Variants in CSTPP1 observed in about 807,000 individuals in gnomAD.
The protein encoded by CSTPP1 is centriolar satellite-associated tubulin polyglutamylase complex regulator 1, also known as UPF0705 protein C11orf49.
chr11:46,948,023 T>C, the CSTPP1 span: 1 of 456,068 alleles, frequency 2.2e-6, no homozygotes, highest in Non-Finnish European at 4.4e-6. Context: ...TATTTTAAAA[T>C]AGGCATGCTT....
chr11:47,099,113 A>C, the CSTPP1 span, among the ~76,000 whole-genome samples: 1 of 152,188 alleles, frequency 6.6e-6, no homozygotes, highest in Non-Finnish European at 1.5e-5. Context: ...CTAACTGTTT[A>C]AAGTTGACCC....
chr11:47,144,776 G>T, the CSTPP1 span, among the ~76,000 whole-genome samples: 2 of 152,118 alleles, frequency 1.3e-5, no homozygotes, highest in African/African-American at 2.4e-5. Context: ...CAAGGGTGAA[G>T]ATTTAAAGCA....
the CSTPP1 span, among the ~76,000 whole-genome samples, chr11:47,034,353 TAG>T: frequency 6.6e-6 from 1 of 152,108 alleles, no homozygotes; most frequent in Non-Finnish European, 1.5e-5. Context: ...CACAAAATAG[TAG>T]AGTTAGCCCA....
the CSTPP1 span, chr11:47,161,995 C>T: frequency 1.9e-6 from 2 of 1,032,598 alleles, no homozygotes; most frequent in Non-Finnish European, 2.3e-6. Flanking sequence ...CATCTCCTCA[C>T]AGCAACTCCA....
the CSTPP1 span, among the ~76,000 whole-genome samples, chr11:46,995,589 G>C: frequency 6.7e-6 from 1 of 149,526 alleles, no homozygotes; most frequent in African/African-American, 2.6e-5. Context: ...GATTGGTTTT[G>C]AGAGAGTTTC....
At chr11:47,101,502 G>A in the CSTPP1 span, among the ~76,000 whole-genome samples, 165 of 151,846 alleles carry the variant, frequency 1.1e-3, no homozygotes, top group Middle Eastern at 0.01. Context: ...AAGACTGTTT[G>A]TGGGAGGTCT....
At chr11:46,936,916 G>A in the CSTPP1 span, 4 of 1,455,604 alleles carry the variant, frequency 2.7e-6, no homozygotes, top group Non-Finnish European at 3.6e-6. Flanking sequence ...GGGTCTGGGA[G>A]GAGGCGGGGG....
chr11:47,029,993 G>T, the CSTPP1 span, among the ~76,000 whole-genome samples: 2 of 151,966 alleles, frequency 1.3e-5, no homozygotes, highest in Non-Finnish European at 2.9e-5. Context: ...CGGGCATGGT[G>T]GTGCACACCT....
chr11:47,128,187 C>CT, the CSTPP1 span, among the ~76,000 whole-genome samples: 1 of 151,288 alleles, frequency 6.6e-6, no homozygotes, highest in Admixed American at 6.6e-5. Context: ...AGCCTGTACT[C>CT]TTAACCATTG....
the CSTPP1 span, among the ~76,000 whole-genome samples, chr11:46,969,033 G>C: frequency 6.6e-6 from 1 of 152,148 alleles, no homozygotes; most frequent in Non-Finnish European, 1.5e-5. Flanking sequence ...GAATCCTCTA[G>C]AACCACTGTT....
At chr11:47,073,937 AAC>A in the CSTPP1 span, among the ~76,000 whole-genome samples, 1 of 152,184 alleles carries the variant, frequency 6.6e-6, no homozygotes, top group Non-Finnish European at 1.5e-5. Context: ...TATGCTGTGT[AAC>A]ACTGTCATCT....
At chr11:46,987,248 C>T in the CSTPP1 span, 1 of 1,614,112 alleles carries the variant, frequency 6.2e-7, no homozygotes, top group South Asian at 1.1e-5. Context: ...ATGCAGTGTG[C>T]CAGCTGCTAG....
the CSTPP1 span, among the ~76,000 whole-genome samples, chr11:47,071,198 T>C: frequency 6.6e-6 from 1 of 152,166 alleles, no homozygotes; most frequent in Non-Finnish European, 1.5e-5. Context: ...TAAGAATAAG[T>C]GGATTTTTAT....
chr11:47,161,467 G>A, the CSTPP1 span: 6 of 1,613,792 alleles, frequency 3.7e-6, no homozygotes, highest in South Asian at 2.2e-5. Context: ...TCTTCAGGCT[G>A]GCCCAGGTCC....
At chr11:47,144,538 C>T in the CSTPP1 span, among the ~76,000 whole-genome samples, 1 of 152,050 alleles carries the variant, frequency 6.6e-6, no homozygotes, top group Non-Finnish European at 1.5e-5. Flanking sequence ...TTAATAGTAC[C>T]AGATTAAAAG....
the CSTPP1 span, chr11:47,155,556 C>G: frequency 2.1e-6 from 1 of 476,302 alleles, no homozygotes; most frequent in African/African-American, 1.9e-5. Context: ...CCATAGCATC[C>G]ACAGCATTCA....
At chr11:47,029,861 G>A in the CSTPP1 span, among the ~76,000 whole-genome samples, 1 of 151,444 alleles carries the variant, frequency 6.6e-6, no homozygotes, top group African/African-American at 2.4e-5. Context: ...ACTTTGGGAG[G>A]CCAAAACAGG....
the CSTPP1 span, chr11:47,161,658 C>T: frequency 6.3e-7 from 1 of 1,595,158 alleles, no homozygotes; most frequent in South Asian, 1.1e-5. Context: ...AGGGTCCTGC[C>T]CACAGCGCCC....
chr11:47,150,838 C>T, the CSTPP1 span, among the ~76,000 whole-genome samples: 50 of 148,496 alleles, frequency 3.4e-4, no homozygotes, highest in Admixed American at 7.4e-4. Flanking sequence ...CAGGCCAGAT[C>T]CAAATGGGGG....
Sources: allele counts gnomAD v4.1 joint callset (sites outside exome capture counted in the v4.1 genomes callset), GRCh38; gene constraint gnomAD v4.1.1; transcripts MANE v1.5; gene names NCBI Gene and HGNC (gene_info 2026-07-23, HGNC 2026-07-21).